Variants in FREM2 observed in about 807,000 individuals in gnomAD.
FREM2 encodes the protein FRAS1 related extracellular matrix 2, also known as FRAS1-related extracellular matrix protein 2.
Under a neutral mutation model 219.9 loss-of-function variants are expected in FREM2, and 119 were observed. That is an observed-to-expected ratio of 0.54 (90% CI 0.47 to 0.63). FREM2 has a LOEUF of 0.63. Among genes scored for constraint, FREM2 ranks in the 30% least tolerant of loss-of-function variants. FREM2 has a pLI of 0.00. For synonymous variants in FREM2, 1,562 were observed against 1,522.8 expected (o/e 1.03, Z -0.60); for missense variants, 4,030 against 3,993.6 (o/e 1.01, Z -0.25).
At chr13:38,769,253 A>G (rs993566298) in intron 3 of FREM2, among the ~76,000 whole-genome samples, 2 of 152,202 alleles carry the variant, frequency 1.3e-5, no homozygotes, top group African/African-American at 2.4e-5. Context: ...TTAAGATTGT[A>G]TAACTTGTAG....
chr13:38,854,231 T>C (rs1877476582), intron 11 of FREM2, among the ~76,000 whole-genome samples: 3 of 151,716 alleles, frequency 2.0e-5, no homozygotes, highest in Admixed American at 2.0e-4. Flanking sequence ...TTGACCACCG[T>C]CCAGCAAGTA....
chr13:38,808,467 C>T (rs1397456751), intron 6 of FREM2, among the ~76,000 whole-genome samples: 5 of 151,858 alleles, frequency 3.3e-5, no homozygotes, highest in African/African-American at 1.2e-4. Flanking sequence ...TCATTTTTAG[C>T]TTTTGATTTA....
intron 6 of FREM2, among the ~76,000 whole-genome samples, chr13:38,815,479 A>G (rs1339297532): frequency 6.6e-6 from 1 of 152,228 alleles, no homozygotes; most frequent in Non-Finnish European, 1.5e-5. Context: ...AAGAAATAAA[A>G]GAAGACAAAA....
chr13:38,689,981 G>A lies in FREM2; in HGVS notation c.2637G>A (p.Val879=). 2.5e-6 allele frequency: 4 copies of A among 1,614,124 alleles called. No individual in the cohort carries two copies. Among genetic ancestry groups the A allele is most frequent in the Non-Finnish European group, 3.4e-6 (4 of 1,180,030 alleles). ...TQAPKHGHMR[V]SGQILHVGGL... is the part of the protein sequence containing the mutation. ...CACCCAAACATGGCCACATGAGAGTGTCTGGACAGATCCTGCATGTAGGGG... is the reference window on the plus strand; with the variant it reads ...CACCCAAACATGGCCACATGAGAGTATCTGGACAGATCCTGCATGTAGGGG... The change falls in exon 1 of 24, where the codon GTG becomes GTA. Residue 879 remains valine (V), a synonymous_variant. Coordinates refer to ENST00000280481, the MANE Select transcript of FREM2 (RefSeq NM_207361.6).
intron 2 of FREM2, among the ~76,000 whole-genome samples, chr13:38,718,237 A>G (rs1195835701): frequency 6.6e-6 from 1 of 152,176 alleles, no homozygotes; most frequent in Non-Finnish European, 1.5e-5. Context: ...TTATTTTTAA[A>G]ACTGCAGTAT....
rs775490231 is a variant in FREM2, at chr13:38,850,996, G to C, written c.6630G>C (p.Glu2210Asp). The C allele has an allele frequency of 6.2e-7, 1 of 1,613,672 alleles. No homozygotes were observed. The highest frequency in any genetic ancestry group is 8.5e-7 in the Non-Finnish European group (1 of 1,179,978). The change falls in exon 10 of 24, where the codon GAG becomes GAC. Residue 2210 changes from glutamate (E) to aspartate (D), a missense_variant. Transcript: ENST00000280481. ...ILELMDDVLY[E>D]EVEELRLVLG... ...AGCTGATGGACGATGTGCTCTATGAGGAGGTAGAGGAGCTCCGCCTGGTAC... is the reference window on the plus strand; with the variant it reads ...AGCTGATGGACGATGTGCTCTATGACGAGGTAGAGGAGCTCCGCCTGGTAC...
Position 38,692,492 on chromosome 13 carries a change from C to G in FREM2, c.5148C>G (p.Asn1716Lys). ...ATCTTCTCAACCTGGACAAAGGCAA[C>G]CACAGCATCACTCAGTTCACACAAG... ...HGYLLNLDKG[N>K]HSITQFTQAD... The change falls in exon 1 of 24, where the codon AAC (asparagine) becomes AAG (lysine). Residue 1716 changes from asparagine (N) to lysine (K), a missense_variant. Physicochemically the swap from Asn to Lys is moderately conservative, Grantham distance 94. Coordinates refer to ENST00000280481, the MANE Select transcript of FREM2 (RefSeq NM_207361.6). The G allele has an allele frequency of 1.2e-6, 2 of 1,612,346 alleles. No individual in the cohort carries two copies. The highest frequency in any genetic ancestry group is 1.7e-6 in the Non-Finnish European group (2 of 1,179,996).
At chr13:38,783,307 C>T in intron 5 of FREM2, 112 bp downstream of exon 5, 1 of 1,136,260 alleles carries the variant, frequency 8.8e-7, no homozygotes, top group Non-Finnish European at 1.3e-6. Context: ...ATTAATTTTC[C>T]ATAGATACAG....
At position 38,864,554 on chromosome 13, in the gene FREM2, A is replaced by G; in HGVS notation, c.7931A>G (p.Asp2644Gly). Residue 2644 changes from aspartate (D) to glycine (G), a missense_variant, in exon 16 of 24, where the codon GAC (aspartate) becomes GGC (glycine). This residue lies in a region of FREM2 where 928 missense variants were observed against 1,042.9 expected (regional missense o/e 0.89). Coordinates refer to ENST00000280481, the MANE Select transcript of FREM2 (RefSeq NM_207361.6). ...ACLWEFVSYY[D>G]MSELLADCGG... ...TTATGGGAGTTCGTTAGCTACTATGACATGTCAGAACTCCTTGCTGACTGT... is the reference window on the plus strand; with the variant it reads ...TTATGGGAGTTCGTTAGCTACTATGGCATGTCAGAACTCCTTGCTGACTGT... 6.2e-7 allele frequency: 1 copy of G among 1,614,208 alleles called. No individual in the cohort carries two copies. The highest frequency in any genetic ancestry group is 1.1e-5 in the South Asian group (1 of 91,088).
chr13:38,690,433 A>T lies in FREM2; in HGVS notation c.3089A>T (p.Asp1030Val). 1 of 1,614,198 alleles carries T rather than the reference A, an allele frequency of 6.2e-7. No homozygotes were observed. Among genetic ancestry groups the T allele is most frequent in the Non-Finnish European group, 8.5e-7 (1 of 1,180,038 alleles). ...SGEIGLLPKA[D>V]SFNLSLSDMS... ...GAGATAGGCCTATTGCCTAAAGCGG[A>T]TTCTTTTAACCTGAGTCTGTCAGAT... Residue 1030 changes from aspartate to valine, a missense_variant, in exon 1 of 24, where the codon GAT (aspartate) becomes GTT (valine). Around this residue, in one of 2 missense-constraint regions of FREM2, gnomAD observed 3,102 missense variants for 2,950.7 expected, o/e 1.05. Transcript: ENST00000280481.
In FREM2 at chr13:38,687,714, C is replaced by A; in HGVS notation, c.370C>A (p.Pro124Thr). 2 of 1,558,116 alleles carry A rather than the reference C, an allele frequency of 1.3e-6. No individual in the cohort carries two copies. The highest frequency in any genetic ancestry group is 1.4e-5 in the African/African-American group (1 of 73,554). ...ALAQRPGRLS[P>T]KRFPCDFGPG... ...GGCCCAGCGACCGGGCCGCCTGAGT[C>A]CCAAGCGCTTCCCGTGCGACTTTGG... The change falls in exon 1 of 24, where the codon CCC becomes ACC. Residue 124 changes from proline to threonine, a missense_variant. Pro to Thr is a conservative substitution (Grantham distance 38). Coordinates refer to ENST00000280481, the MANE Select transcript of FREM2 (RefSeq NM_207361.6).
At position 38,880,303 on chromosome 13, in the gene FREM2, G is replaced by A; in HGVS notation, c.9026G>A (p.Trp3009Ter). The A allele has an allele frequency of 6.2e-7, 1 of 1,613,866 alleles. No homozygotes were observed. Among genetic ancestry groups the A allele is most frequent in the African/African-American group, 1.3e-5 (1 of 74,996 alleles). The change falls in exon 24 of 24, where the codon TGG (tryptophan) becomes TAG (stop). Residue 3009 changes from tryptophan (W) to a stop codon, truncating the protein, a stop_gained. Transcript: ENST00000280481. LOFTEE classifies it low-confidence loss of function (END_TRUNC). ...PLFQVALGRE[W>*]YIHTIYTVRS... ...TTCTAGGTCGCTCTAGGCCGAGAAT[G>A]GTATATACATACGATCTATACAGTG...
At chr13:38,862,436 G>A (rs4575410) in intron 15 of FREM2, among the ~76,000 whole-genome samples, 35,626 of 151,992 alleles carry the variant, frequency 0.23, 5,010 homozygotes, top group African/African-American at 0.39. Context: ...GGCTGAGAAG[G>A]GACCCATCAG....
chr13:38,718,691 AT>A (rs2138104592), intron 2 of FREM2, among the ~76,000 whole-genome samples: 1 of 152,262 alleles, frequency 6.6e-6, no homozygotes, highest in African/African-American at 2.4e-5. Context: ...TTAAGAGATT[AT>A]TCTGTAATAT....
At position 38,856,045 on chromosome 13, in the gene FREM2, TAA is replaced by T. The variant is rs34182165; in HGVS notation, c.6926-60_6926-59del. 104,991 of 564,280 alleles carry T rather than the reference TAA, an allele frequency of 0.19. 3,739 individuals are homozygous for T. Among genetic ancestry groups the T allele is most frequent in the African/African-American group, 0.42 (17,704 of 42,158 alleles). 35.0% of individuals were successfully genotyped at this position (564,280 alleles called of 1,614,324 possible). ...ATGTATTTCTCATTGTAGGCCACAG[TAA>T]AAAAAAAAAAAAAAAAAAAATAGAA... is the stretch of plus-strand genomic sequence containing the variant. On this transcript the variant is annotated intron_variant, in intron 11 of 23. Transcript: ENST00000280481.
intron 2 of FREM2, among the ~76,000 whole-genome samples, chr13:38,761,464 A>C (rs1873220928): frequency 1.3e-5 from 2 of 152,238 alleles, no homozygotes; most frequent in South Asian, 4.1e-4. Context: ...ATGATGTTCC[A>C]ATTAATGGAA....
In FREM2 at chr13:38,886,015, T is replaced by A. The variant is rs1460127921; in HGVS notation, c.*5228T>A. On this transcript the variant is annotated 3_prime_UTR_variant, in exon 24 of 24. Transcript: ENST00000280481. ...TATGCCAAATGTTGCCTACACTGATTACATGATTGTCACAGTTTAAGTGAA... is the reference window on the plus strand; with the variant it reads ...TATGCCAAATGTTGCCTACACTGATAACATGATTGTCACAGTTTAAGTGAA... 6.6e-6 allele frequency: 1 copy of A among 152,220 alleles called. No individual in the cohort carries two copies. The highest frequency in any genetic ancestry group is 1.5e-5 in the Non-Finnish European group (1 of 68,038). The allele number at this position is 152,220 out of a possible 1,614,324, so 9.4% of individuals were successfully genotyped here.
intron 2 of FREM2, among the ~76,000 whole-genome samples, chr13:38,761,998 G>A (rs1032340298): frequency 2.6e-5 from 4 of 152,208 alleles, no homozygotes; most frequent in African/African-American, 7.2e-5. Context: ...GAGCACAGGT[G>A]GGTGTAAGGC....
chr13:38,816,210 G>C lies in FREM2; in HGVS notation c.6020-30363G>C, dbSNP rs7987558. Among the ~76,000 whole-genome samples, 181 of 152,168 alleles carry C rather than the reference G, an allele frequency of 1.2e-3. 1 individual carries two copies. Among genetic ancestry groups the C allele is most frequent in the African/African-American group, 4.1e-3 (172 of 41,538 alleles). On this transcript the variant is annotated intron_variant, in intron 6 of 23. Coordinates refer to ENST00000280481, the MANE Select transcript of FREM2 (RefSeq NM_207361.6). Reference sequence around the variant, plus strand: ...CTATTCCAAAAAATTGAAGAGGAAGGAATACTTCCAAAGTTATCTTACGAG... The same window carrying C: ...CTATTCCAAAAAATTGAAGAGGAAGCAATACTTCCAAAGTTATCTTACGAG...
Sources: allele counts gnomAD v4.1 joint callset (sites outside exome capture counted in the v4.1 genomes callset), GRCh38; gene constraint gnomAD v4.1.1; regional missense constraint gnomAD v4.1.1; transcripts MANE v1.5; gene names NCBI Gene and HGNC (gene_info 2026-07-23, HGNC 2026-07-21).